Variants in COL6A6 observed in about 807,000 individuals in gnomAD.
COL6A6 encodes collagen type VI alpha 6 chain.
Under a neutral mutation model 208.6 loss-of-function variants are expected in COL6A6, and 183 were observed. The ratio of observed to expected loss-of-function variants is 0.88; its 90% CI spans 0.78 to 0.99. The LOEUF is 0.99. Among genes scored for constraint, COL6A6 ranks in the 50% least tolerant of loss-of-function variants. The probability of loss-of-function intolerance (pLI) is 0.00; values close to 1 mark genes in which losing one functional copy is unlikely to be tolerated. For missense variants in COL6A6, 2,816 were observed against 2,815.2 expected, an observed-to-expected ratio of 1.00 and a Z score of -0.01; for synonymous variants, 973 against 1,011.8, an observed-to-expected ratio of 0.96 and a Z score of 0.73.
chr3:130,645,338 G>T (rs1453502564), intron 32 of COL6A6, among the ~76,000 whole-genome samples: 2 of 152,030 alleles, frequency 1.3e-5, no homozygotes, highest in African/African-American at 4.8e-5. Flanking sequence ...TGTCACACAG[G>T]CTGATCACTG....
In COL6A6 at chr3:130,563,579, C is replaced by T; in HGVS notation, c.576C>T (p.Leu192=). The change falls in exon 3 of 37, where the codon CTC becomes CTT. Residue 192 remains leucine (L), a synonymous_variant. Transcript: ENST00000358511. ...FHFNLRTVRD[L]SMFSQNMTHI... is the part of the protein sequence containing the mutation. ...TCAACCTTCGGACAGTCAGAGACCT[C>T]AGCATGTTTTCCCAAAACATGACAC... 3 of 1,613,992 alleles carry T rather than the reference C, an allele frequency of 1.9e-6. No individual in the cohort carries two copies. Among genetic ancestry groups the T allele is most frequent in the Non-Finnish European group, 2.5e-6 (3 of 1,179,896 alleles).
At chr3:130,584,174 G>C (rs2063484653) in intron 10 of COL6A6, among the ~76,000 whole-genome samples, 1 of 151,998 alleles carries the variant, frequency 6.6e-6, no homozygotes, top group South Asian at 2.1e-4. Context: ...TCATTTATTG[G>C]ATGAGTCTGA....
intron 18 of COL6A6, among the ~76,000 whole-genome samples, chr3:130,598,134 A>T (rs1473401315): frequency 1.3e-5 from 2 of 152,066 alleles, no homozygotes; most frequent in East Asian, 3.9e-4. Flanking sequence ...TTCTATGGAG[A>T]GCTCTTTCTC....
At chr3:130,661,323 C>T (rs948320605) in intron 34 of COL6A6, among the ~76,000 whole-genome samples, 5 of 152,118 alleles carry the variant, frequency 3.3e-5, no homozygotes, top group East Asian at 1.9e-4. Context: ...CTTGCATGCA[C>T]GAGGCCAATC....
At chr3:130,651,975 T>C (rs1398807336) in intron 33 of COL6A6, among the ~76,000 whole-genome samples, 1 of 152,242 alleles carries the variant, frequency 6.6e-6, no homozygotes. Flanking sequence ...TTAACTCCTT[T>C]TTTGAAGAAG....
At chr3:130,660,463 T>G (rs2065906671) in intron 34 of COL6A6, among the ~76,000 whole-genome samples, 1 of 152,264 alleles carries the variant, frequency 6.6e-6, no homozygotes. Context: ...AGTTTTTATT[T>G]GTGGCCTCTG....
At chr3:130,518,667 C>T (rs369385375) in intron 1 of COL6A6, among the ~76,000 whole-genome samples, 188 of 152,262 alleles carry the variant, frequency 1.2e-3, no homozygotes, top group South Asian at 4.8e-3. Context: ...CCACCATGCC[C>T]GGCTAATTTT....
chr3:130,658,084 C>G (rs758181546), intron 33 of COL6A6, among the ~76,000 whole-genome samples: 6 of 152,138 alleles, frequency 3.9e-5, no homozygotes, highest in Non-Finnish European at 5.9e-5. Flanking sequence ...GGACGTAGAT[C>G]TGAGTGTATT....
At position 130,581,894 on chromosome 3, in the gene COL6A6, C is replaced by T. The variant is rs2063432112; in HGVS notation, c.3881C>T (p.Ala1294Val). Residue 1294 changes from alanine to valine, a missense_variant, in exon 9 of 37, where the codon GCT becomes GTT. Transcript: ENST00000358511. ...LWDTFQNKSA[A>V]RGKVVLLFSD... Reference sequence around the variant, plus strand: ...GATACATTTCAGAATAAATCAGCTGCTCGAGGAAAGGTAACATGGATTTAT... The same window carrying T: ...GATACATTTCAGAATAAATCAGCTGTTCGAGGAAAGGTAACATGGATTTAT... 3 of 1,604,804 alleles carry T rather than the reference C, an allele frequency of 1.9e-6. No individual in the cohort carries two copies. Among genetic ancestry groups the T allele is most frequent in the Non-Finnish European group, 2.6e-6 (3 of 1,174,392 alleles).
At chr3:130,589,885 G>T (rs1333731308) in intron 12 of COL6A6, 1 of 336,320 alleles carries the variant, frequency 3.0e-6, no homozygotes, top group Non-Finnish European at 6.0e-6. Flanking sequence ...ATAATTTATA[G>T]ATAGCACTGT....
intron 33 of COL6A6, among the ~76,000 whole-genome samples, chr3:130,656,819 G>C (rs2108439389): frequency 6.6e-6 from 1 of 152,380 alleles, no homozygotes; most frequent in East Asian, 1.9e-4. Context: ...CTGAGGCAGT[G>C]AGGCTGGCAT....
chr3:130,568,560 G>A lies in COL6A6; in HGVS notation c.2357G>A (p.Arg786His), dbSNP rs765701051. The change falls in exon 6 of 37, where the codon CGC becomes CAC. Residue 786 changes from arginine to histidine, a missense_variant. Arg to His is a conservative substitution (Grantham distance 29). Coordinates refer to ENST00000358511, the MANE Select transcript of COL6A6 (RefSeq NM_001102608.3). Reference sequence around the variant, plus strand: ...GTTGAGAATTTTGACATTCTGCAGCGCATTGAAGATGATCTTGTTTTTGGA... The same window carrying A: ...GTTGAGAATTTTGACATTCTGCAGCACATTGAAGATGATCTTGTTTTTGGA... The part of the protein sequence containing the change: ...FYVENFDILQ[R>H]IEDDLVFGIC... 37 of 1,607,024 alleles carry A rather than the reference G, an allele frequency of 2.3e-5. No homozygotes were observed. The South Asian group carries it at 3.4e-4, about 15-fold the overall frequency.
At chr3:130,672,709 GATTTTT>G (rs1461566580) in intron 36 of COL6A6, among the ~76,000 whole-genome samples, 1 of 150,942 alleles carries the variant, frequency 6.6e-6, no homozygotes, top group Non-Finnish European at 1.5e-5. Flanking sequence ...CGGCCCAAAT[GATTTTT>G]ATTAAGTGAT....
rs562347725 is a variant in COL6A6, at chr3:130,628,124, T to C, written c.4992+755T>C. On this transcript the variant is annotated intron_variant, in intron 26 of 36. Transcript: ENST00000358511. ...CCAAGTGAAATCCCAACGGGAATAA[T>C]GCAAGAGGCCATCTGGAAGAATAAA... is the stretch of plus-strand genomic sequence containing the variant. Among the ~76,000 whole-genome samples, 7 of 152,256 alleles carry C rather than the reference T, an allele frequency of 4.6e-5. No individual in the cohort carries two copies. In the South Asian group the frequency reaches 1.5e-3, roughly 32 times the overall value.
At chr3:130,536,481 G>A (rs1390879250) in intron 1 of COL6A6, among the ~76,000 whole-genome samples, 3 of 152,184 alleles carry the variant, frequency 2.0e-5, no homozygotes, top group Non-Finnish European at 2.9e-5. Context: ...CAATAGATTC[G>A]CTGACGAAGA....
intron 8 of COL6A6, among the ~76,000 whole-genome samples, chr3:130,577,524 C>T (rs564867393): frequency 6.6e-6 from 1 of 152,306 alleles, no homozygotes; most frequent in East Asian, 1.9e-4. Context: ...GAAACCACTT[C>T]CTGCTGTCAC....
intron 36 of COL6A6, among the ~76,000 whole-genome samples, chr3:130,671,752 G>A (rs925337556): frequency 6.6e-6 from 1 of 152,164 alleles, no homozygotes; most frequent in African/African-American, 2.4e-5. Context: ...GTAGAAGCTG[G>A]TGCTTATCAG....
upstream of COL6A6, among the ~76,000 whole-genome samples, chr3:130,517,135 G>A (rs891327345): frequency 3.3e-5 from 5 of 152,210 alleles, no homozygotes; most frequent in African/African-American, 4.8e-5. Context: ...CGGGCCCGGG[G>A]CGGGGAGAAG....
chr3:130,654,920 T>C (rs1018121602), intron 33 of COL6A6, among the ~76,000 whole-genome samples: 9 of 151,950 alleles, frequency 5.9e-5, no homozygotes. Flanking sequence ...ATCATAGGGG[T>C]GTGGAAAATG....
Sources: gnomAD v4.1 joint callset for allele counts (sites outside exome capture counted in the v4.1 genomes callset) on GRCh38, gnomAD v4.1.1 for gene constraint, MANE v1.5 for transcripts, NCBI Gene and HGNC (gene_info 2026-07-23, HGNC 2026-07-21) for gene names.